The following RAB37 variants were observed in gnomAD, a reference collection of about 807,000 sequenced individuals.
RAB37 encodes the protein RAB37, member RAS oncogene family.
RAB37 carries 29 observed loss-of-function variants against 33.1 expected under a neutral mutation model. The ratio of observed to expected loss-of-function variants is 0.88; its 90% CI spans 0.65 to 1.20. The LOEUF (loss-of-function observed/expected upper bound fraction) is 1.20, where lower values mean the gene tolerates loss of function less well. RAB37 is among the 50% of genes most tolerant of loss of function. RAB37 has a pLI of 0.00. For missense variants in RAB37, 299 were observed against 301.1 expected, an observed-to-expected ratio of 0.99 and a Z score of 0.05; for synonymous variants, 128 against 119.5, an observed-to-expected ratio of 1.07 and a Z score of -0.47.
intron 1 of RAB37, among the ~76,000 whole-genome samples, chr17:74,713,133 C>T (rs1466978641): frequency 6.6e-6 from 1 of 151,852 alleles, no homozygotes; most frequent in Non-Finnish European, 1.5e-5. Context: ...AGTGAAACCC[C>T]GTCTCTACTA....
chr17:74,743,376 C>T, intron 5 of RAB37, 36 bp downstream of exon 5: 2 of 1,608,292 alleles, frequency 1.2e-6, no homozygotes, highest in South Asian at 1.1e-5. Context: ...CACCCATAAG[C>T]AGCCAAGGCA....
At chr17:74,717,558 C>T (rs1178874894) in intron 1 of RAB37, among the ~76,000 whole-genome samples, 2 of 152,102 alleles carry the variant, frequency 1.3e-5, no homozygotes, top group East Asian at 3.8e-4. Context: ...CCTGTAACCC[C>T]AGCACTTAGG....
chr17:74,736,907 G>C (rs779143857), upstream of RAB37: 20 of 1,491,642 alleles, frequency 1.3e-5, no homozygotes, highest in Admixed American at 2.3e-5. Context: ...CTGCTGTCGC[G>C]GTGCGCAGCG....
chr17:74,675,977 A>G (rs2031822852), intron 1 of RAB37, among the ~76,000 whole-genome samples: 1 of 152,126 alleles, frequency 6.6e-6, no homozygotes, highest in African/African-American at 2.4e-5. Context: ...ATAATTTAAA[A>G]CAAAGGAGCA....
At chr17:74,733,454 G>GA (rs2034418130), upstream of RAB37, among the ~76,000 whole-genome samples, 23 of 406 alleles carry the variant, frequency 0.057, no homozygotes, top group South Asian at 0.17. Context: ...TGTGAGGTGT[G>GA]TGTGATTTGA....
intron 1 of RAB37, among the ~76,000 whole-genome samples, chr17:74,682,157 G>A (rs1013581186): frequency 4.6e-5 from 7 of 152,122 alleles, no homozygotes; most frequent in African/African-American, 1.7e-4. Context: ...CTGCAAAAGG[G>A]GAAATCTTGT....
chr17:74,736,684 C>G (rs2034479719), upstream of RAB37: 10 of 1,535,574 alleles, frequency 6.5e-6, no homozygotes, highest in African/African-American at 1.4e-5. Context: ...TCAAAGTCCC[C>G]GCACCAGGCA....
intron 1 of RAB37, among the ~76,000 whole-genome samples, chr17:74,684,265 AT>A (rs201648484): frequency 4.9e-3 from 661 of 134,152 alleles, no homozygotes; most frequent in Middle Eastern, 0.012. Flanking sequence ...AGCCCTGTTA[AT>A]TTTTTTTTTT....
At position 74,742,844 on chromosome 17, in the gene RAB37, C is replaced by G. The variant is rs1210691326; in HGVS notation, c.247-285C>G. On this transcript the variant is annotated intron_variant, in intron 3 of 8. Transcript: ENST00000392613. The surrounding 1 kb of genome is among the most constrained non-coding windows in gnomAD (Gnocchi z 4.0). ...GTTTCACTGTGTTAGCCAGGATGGT[C>G]TGGATCTCCTGACCTCGTGATCCGC... Among the ~76,000 whole-genome samples, 2 of 152,244 alleles carry G rather than the reference C, an allele frequency of 1.3e-5. No homozygotes were observed. The highest frequency in any genetic ancestry group is 6.5e-5 in the Admixed American group (1 of 15,298).
At chr17:74,712,837 G>A (rs1231719021) in intron 1 of RAB37, 5 of 1,614,074 alleles carry the variant, frequency 3.1e-6, no homozygotes, top group Non-Finnish European at 4.2e-6. Flanking sequence ...AGAGCCAGAA[G>A]AGGAGCAGGT....
intron 1 of RAB37, among the ~76,000 whole-genome samples, chr17:74,714,072 G>A (rs1001273753): frequency 7.9e-5 from 12 of 151,942 alleles, no homozygotes; most frequent in African/African-American, 1.5e-4. Flanking sequence ...TTAGCTGGGC[G>A]TGGTAGCATT....
intron 1 of RAB37, among the ~76,000 whole-genome samples, chr17:74,705,986 C>T (rs1018433916): frequency 1.3e-5 from 2 of 152,096 alleles, no homozygotes; most frequent in Admixed American, 6.6e-5. Context: ...AGTGAATTAA[C>T]GCAGAAACAG....
intron 1 of RAB37, among the ~76,000 whole-genome samples, chr17:74,681,948 C>A (rs989886419): frequency 2.0e-5 from 3 of 152,216 alleles, no homozygotes; most frequent in Non-Finnish European, 4.4e-5. Context: ...GAGTAGGAGG[C>A]AGCTCATTAG....
rs542382920 is a variant in RAB37, at chr17:74,713,076, G to GCGCC, written c.73-16178_73-16177insCCCG. 45 of 541,996 alleles carry GCGCC rather than the reference G, an allele frequency of 8.3e-5. 1 individual carries two copies. Among genetic ancestry groups the GCGCC allele is most frequent in the South Asian group, 8.2e-4 (40 of 48,520 alleles). The allele number at this position is 541,996 out of a possible 1,614,324, so 33.6% of individuals were successfully genotyped here. A position where few individuals can be genotyped will look rare whatever the true frequency, so the allele number is the denominator to read the frequency against. On this transcript the variant is annotated intron_variant, in intron 1 of 7. Transcript: ENST00000340415. Reference sequence around the variant, plus strand: ...AATCCTGGCACTTTGGGAGGCCAAGGCGGGCGGATCACGAGATCAGGAGTT... The same window carrying GCGCC: ...AATCCTGGCACTTTGGGAGGCCAAGGCGCCCGGGCGGATCACGAGATCAGGAGTT...
At chr17:74,718,314 TACATC>T (rs765467813) in intron 1 of RAB37, among the ~76,000 whole-genome samples, 1 of 119,662 alleles carries the variant, frequency 8.4e-6, no homozygotes, top group African/African-American at 2.9e-5. Context: ...TATCATATCA[TACATC>T]ATATCATATC....
chr17:74,718,225 C>T (rs890454808), intron 1 of RAB37, among the ~76,000 whole-genome samples: 2 of 152,058 alleles, frequency 1.3e-5, no homozygotes, highest in African/African-American at 4.8e-5. Flanking sequence ...GCCCAGGAGA[C>T]GGAGGTTGCA....
At chr17:74,675,625 C>T (rs748632263) in intron 1 of RAB37, among the ~76,000 whole-genome samples, 3 of 152,158 alleles carry the variant, frequency 2.0e-5, no homozygotes, top group Non-Finnish European at 4.4e-5. Context: ...ACTCACACAA[C>T]CCATCTATAC....
chr17:74,744,346 C>A lies in RAB37; in HGVS notation c.405C>A (p.Asp135Glu), dbSNP rs147358898. 2.2e-5 allele frequency: 36 copies of A among 1,613,990 alleles called. No individual in the cohort carries two copies. Among genetic ancestry groups the A allele is most frequent in the Non-Finnish European group, 3.0e-5 (35 of 1,179,992 alleles). The stretch of plus-strand genomic sequence containing the variant: ...AGATTCATGAGTATGCCCAGAGGGA[C>A]GTGGTGATCATGCTGCTAGGCAACA... Reference protein sequence around the residue: ...LTEIHEYAQRDVVIMLLGNKA... With the variant: ...LTEIHEYAQREVVIMLLGNKA... Residue 135 changes from aspartate (D) to glutamate (E), a missense_variant, in exon 6 of 9, where the codon GAC becomes GAA. Coordinates refer to ENST00000392613, the MANE Select transcript of RAB37 (RefSeq NM_001006638.3). This position sits in a 1 kb window ranked among gnomAD's most constrained non-coding sequence, Gnocchi z 4.2.
chr17:74,687,368 G>A (rs182579713), intron 1 of RAB37, among the ~76,000 whole-genome samples: 237 of 151,584 alleles, frequency 1.6e-3, no homozygotes, highest in African/African-American at 5.5e-3. Context: ...GGATTACAGG[G>A]GCCCGCCACC....
Sources: gnomAD v4.1 joint callset for allele counts (sites outside exome capture counted in the v4.1 genomes callset) on GRCh38, gnomAD v4.1.1 for gene constraint, Gnocchi (gnomAD v3.1) non-coding constraint, MANE v1.5 for transcripts, NCBI Gene and HGNC (gene_info 2026-07-23, HGNC 2026-07-21) for gene names.